PRMT3: variants seen among roughly 807,000 people sequenced by gnomAD.
PRMT3 encodes protein arginine N-methyltransferase 3.
In PRMT3, 62 loss-of-function variants were observed where a neutral mutation model predicts 71.9. The ratio of observed to expected loss-of-function variants is 0.86; its 90% CI spans 0.70 to 1.07. The LOEUF (loss-of-function observed/expected upper bound fraction) is 1.07. Among genes scored for constraint, PRMT3 ranks in the 50% least tolerant of loss-of-function variants. PRMT3 has a pLI of 0.00. For synonymous variants in PRMT3, 213 were observed against 220.4 expected, an observed-to-expected ratio of 0.97 and a Z score of 0.30; for missense variants, 663 against 643.0, an observed-to-expected ratio of 1.03 and a Z score of -0.34.
intron 15 of PRMT3, among the ~76,000 whole-genome samples, chr11:20,501,466 T>A (rs964140159): frequency 2.6e-5 from 4 of 152,176 alleles, no homozygotes; most frequent in Non-Finnish European, 5.9e-5. Flanking sequence ...TTCATCATAC[T>A]ATTGCACTTG....
At chr11:20,414,086 C>T (rs1849250953) in intron 9 of PRMT3, among the ~76,000 whole-genome samples, 1 of 152,102 alleles carries the variant, frequency 6.6e-6, no homozygotes, top group Non-Finnish European at 1.5e-5. Context: ...TAATTTTTGG[C>T]TAGGCATGGT....
Position 20,505,899 on chromosome 11 carries a change from AT to A in PRMT3, c.1487-2402del, listed in dbSNP as rs142930721. Among the ~76,000 whole-genome samples, 7 of 151,580 alleles carry A rather than the reference AT, an allele frequency of 4.6e-5. No homozygotes were observed. The East Asian group carries it at 1.4e-3, about 29-fold the overall frequency. ...AAAACAAAACCCACGGGGCGGTAAA[AT>A]TTAGGTCTATTTCTTATTCATTATA... On this transcript the variant is annotated intron_variant, in intron 15 of 15. Transcript: ENST00000331079.
intron 11 of PRMT3, among the ~76,000 whole-genome samples, chr11:20,456,253 G>A (rs1265184695): frequency 3.3e-5 from 5 of 152,168 alleles, no homozygotes; most frequent in African/African-American, 9.7e-5. Flanking sequence ...AAATACAGAT[G>A]ACTCTTAAAC....
chr11:20,397,761 G>A (rs1565193989), intron 7 of PRMT3, 40 bp downstream of exon 7: 3 of 1,597,342 alleles, frequency 1.9e-6, no homozygotes, highest in Admixed American at 1.8e-5. Flanking sequence ...CATACTAAAG[G>A]AAAAATAGAA....
At chr11:20,484,286 A>T (rs1339390165) in intron 13 of PRMT3, among the ~76,000 whole-genome samples, 1 of 152,220 alleles carries the variant, frequency 6.6e-6, no homozygotes, top group East Asian at 1.9e-4. Flanking sequence ...GGAGTGCAGG[A>T]ACATTTTATG....
chr11:20,417,579 A>G (rs1849334875), intron 9 of PRMT3, among the ~76,000 whole-genome samples: 1 of 152,214 alleles, frequency 6.6e-6, no homozygotes, highest in Non-Finnish European at 1.5e-5. Flanking sequence ...TGTAGATTGA[A>G]AATTTAATCC....
intron 9 of PRMT3, among the ~76,000 whole-genome samples, chr11:20,408,732 T>G (rs1849127027): frequency 6.6e-6 from 1 of 152,180 alleles, no homozygotes; most frequent in Admixed American, 6.5e-5. Flanking sequence ...AATATGTGAT[T>G]AATAGGAGGC....
chr11:20,441,954 G>A (rs1411136240), intron 10 of PRMT3, among the ~76,000 whole-genome samples: 5 of 151,714 alleles, frequency 3.3e-5, no homozygotes, highest in South Asian at 2.1e-4. Flanking sequence ...CACCACGCCC[G>A]GCTAATTTTT....
Position 20,477,231 on chromosome 11 carries a change from T to G in PRMT3, c.1347+12685T>G, listed in dbSNP as rs77604797. ...TGCATTGGAGGGAAAAGGTCCTGAT[T>G]AGGATTTGGCATGAGTTGAGAACTG... On this transcript the variant is annotated intron_variant, in intron 13 of 15. Transcript: ENST00000331079. 1.1e-3 allele frequency among the ~76,000 whole-genome samples: 163 copies of G among 152,254 alleles called. 4 individuals are homozygous for G. In the East Asian group the frequency reaches 0.029, roughly 27 times the overall value.
chr11:20,484,975 A>G (rs1276207926), intron 13 of PRMT3, among the ~76,000 whole-genome samples: 1 of 152,252 alleles, frequency 6.6e-6, no homozygotes, highest in African/African-American at 2.4e-5. Context: ...TTACCAATTC[A>G]GAGGAAGGAG....
intron 10 of PRMT3, among the ~76,000 whole-genome samples, chr11:20,450,827 G>GT (rs1850131508): frequency 6.6e-6 from 1 of 152,072 alleles, no homozygotes; most frequent in Admixed American, 6.6e-5. Context: ...CCTTTAAAAT[G>GT]TTTTTTTAAT....
intron 15 of PRMT3, among the ~76,000 whole-genome samples, chr11:20,502,226 T>C (rs1382378975): frequency 6.6e-6 from 1 of 152,212 alleles, no homozygotes; most frequent in African/African-American, 2.4e-5. Flanking sequence ...TCATTTTATA[T>C]CTATTTGACA....
intron 11 of PRMT3, among the ~76,000 whole-genome samples, chr11:20,461,707 A>G (rs1850386849): frequency 6.6e-6 from 1 of 152,152 alleles, no homozygotes; most frequent in South Asian, 2.1e-4. Context: ...AAATATGTTT[A>G]TTTCAGAATT....
chr11:20,432,618 G>C (rs1029032691), intron 10 of PRMT3, among the ~76,000 whole-genome samples: 1 of 151,984 alleles, frequency 6.6e-6, no homozygotes, highest in Non-Finnish European at 1.5e-5. Context: ...TCTATTTTTA[G>C]TTTTTTGGGG....
In PRMT3 at chr11:20,452,223, CT is replaced by C; in HGVS notation, c.1072+16del. On this transcript the variant is annotated intron_variant, in intron 11 of 15. Coordinates refer to ENST00000331079, the MANE Select transcript of PRMT3 (RefSeq NM_005788.4). ...AGGAGGCTCGGGTGAGTATAAAATT[CT>C]GGTTTTAATAATCTAATTTTAGTCT... 1 of 1,575,568 alleles carries C rather than the reference CT, an allele frequency of 6.3e-7. No individual in the cohort carries two copies. Among genetic ancestry groups the C allele is most frequent in the Non-Finnish European group, 8.7e-7 (1 of 1,146,294 alleles).
intron 10 of PRMT3, among the ~76,000 whole-genome samples, chr11:20,440,489 C>CAAAAAAAAAAAAAAAAAAAA (rs55801324): frequency 4.3e-5 from 5 of 115,954 alleles, no homozygotes; most frequent in Non-Finnish European, 7.1e-5. Context: ...ACTAAAAATA[C>CAAAAAAAAAAAAAAAAAAAA]AAAAAAAAAA....
rs1334412537 is a variant in PRMT3, at chr11:20,433,021, T to C, written c.993+6156T>C. Among the ~76,000 whole-genome samples, 3 of 152,224 alleles carry C rather than the reference T, an allele frequency of 2.0e-5. No individual in the cohort carries two copies. In the East Asian group the frequency reaches 5.8e-4, roughly 29 times the overall value. ...CTCTTTACTCTTTTGTTTTCTTTTC[T>C]GTGCAGAAACTTTATTTACTTTTTT... On this transcript the variant is annotated intron_variant, in intron 10 of 15. Transcript: ENST00000331079.
chr11:20,483,049 G>GTA (rs1304634859), intron 13 of PRMT3, among the ~76,000 whole-genome samples: 1 of 151,894 alleles, frequency 6.6e-6, no homozygotes, highest in East Asian at 1.9e-4. Flanking sequence ...AGAAAATAGG[G>GTA]TATATCACAT....
chr11:20,508,943 A>T lies in PRMT3; in HGVS notation c.*530A>T, dbSNP rs1851663456. On this transcript the variant is annotated 3_prime_UTR_variant, in exon 16 of 16. Coordinates refer to ENST00000331079, the MANE Select transcript of PRMT3 (RefSeq NM_005788.4). ...GAAAAGAGCTTCAGCCTTCATATAC[A>T]AATCATATATGCAGACAGCCTAGTT... 5.5e-6 allele frequency: 1 copy of T among 181,424 alleles called. No individual in the cohort carries two copies. Among genetic ancestry groups the T allele is most frequent in the Admixed American group, 5.4e-5 (1 of 18,376 alleles). 11.2% of individuals were successfully genotyped at this position (181,424 alleles called of 1,614,324 possible). A position where few individuals can be genotyped will look rare whatever the true frequency, so the allele number is the denominator to read the frequency against.
Sources: allele counts gnomAD v4.1 joint callset (sites outside exome capture counted in the v4.1 genomes callset), GRCh38; gene constraint gnomAD v4.1.1; transcripts MANE v1.5; gene names NCBI Gene and HGNC (gene_info 2026-07-23, HGNC 2026-07-21).